AGAP1: variants seen among roughly 807,000 people sequenced by gnomAD.
AGAP1 encodes arf-GAP with GTPase, ANK repeat and PH domain-containing protein 1.
AGAP1 carries 29 observed loss-of-function variants against 105.3 expected under a neutral mutation model. The ratio of observed to expected loss-of-function variants is 0.28; its 90% CI spans 0.21 to 0.38. The LOEUF (loss-of-function observed/expected upper bound fraction) is 0.38. Among genes scored for constraint, AGAP1 ranks in the 10% least tolerant of loss-of-function variants. The pLI is 1.00. For missense variants in AGAP1, 998 were observed against 1,165.1 expected (o/e 0.86, Z 2.09); for synonymous variants, 509 against 485.9 (o/e 1.05, Z -0.63).
At position 235,754,639 on chromosome 2, in the gene AGAP1, T is replaced by C. The variant is rs1239071869; in HGVS notation, c.673+4151T>C. ...TTCGCTTGTGTGGTCCTGTTTACTT[T>C]GCTTTCATGGAGTTTCCAGATGGCT... On this transcript the variant is annotated intron_variant, in intron 6 of 17. Coordinates refer to ENST00000304032, the MANE Select transcript of AGAP1 (RefSeq NM_001037131.3). The surrounding 1 kb of genome is among the most constrained non-coding windows in gnomAD (Gnocchi z 4.6). 1.3e-5 allele frequency among the ~76,000 whole-genome samples: 2 copies of C among 152,212 alleles called. No individual in the cohort carries two copies. Among genetic ancestry groups the C allele is most frequent in the Non-Finnish European group, 2.9e-5 (2 of 68,032 alleles).
intron 6 of AGAP1, among the ~76,000 whole-genome samples, chr2:235,794,169 T>A (rs1344350197): frequency 6.6e-6 from 1 of 152,080 alleles, no homozygotes; most frequent in Admixed American, 6.5e-5. Context: ...TTATACAATG[T>A]ACACACACAC....
intron 1 of AGAP1, among the ~76,000 whole-genome samples, chr2:235,520,596 C>T (rs189985948): frequency 3.3e-5 from 5 of 152,166 alleles, no homozygotes; most frequent in South Asian, 2.1e-4. Flanking sequence ...CTTTTGCCCA[C>T]GTTAGCAGTC....
At position 236,095,549 on chromosome 2, in the gene AGAP1, G is replaced by T. The variant is rs770059889; in HGVS notation, c.2115-24643G>T. 6.6e-6 allele frequency among the ~76,000 whole-genome samples: 1 copy of T among 152,142 alleles called. No homozygotes were observed. Among genetic ancestry groups the T allele is most frequent in the Non-Finnish European group, 1.5e-5 (1 of 67,980 alleles). On this transcript the variant is annotated intron_variant, in intron 16 of 17. Coordinates refer to ENST00000304032, the MANE Select transcript of AGAP1 (RefSeq NM_001037131.3). The surrounding 1 kb of genome is among the most constrained non-coding windows in gnomAD (Gnocchi z 4.1). ...AAAAGATTAAAAAATAGGAAAAAAA[G>T]ACTCTCTAAAAAAATACAAGAAAAA... is the stretch of plus-strand genomic sequence containing the variant.
chr2:235,913,437 T>G (rs148834036), intron 11 of AGAP1, among the ~76,000 whole-genome samples: 231 of 152,318 alleles, frequency 1.5e-3, no homozygotes, highest in African/African-American at 5.4e-3. Context: ...GTTTTTCTCT[T>G]TGTTGAATTT....
chr2:235,968,800 G>C lies in AGAP1; in HGVS notation c.1645+177G>C, dbSNP rs2054518444. 2.6e-5 allele frequency among the ~76,000 whole-genome samples: 4 copies of C among 152,252 alleles called. No homozygotes were observed. The South Asian group carries it at 8.3e-4, about 32-fold the overall frequency. Reference sequence around the variant, plus strand: ...GGGCCCTTGGGACCTTTTCATCACTGTCTGATTCTCATATTACGCAACCAA... The same window carrying C: ...GGGCCCTTGGGACCTTTTCATCACTCTCTGATTCTCATATTACGCAACCAA... On this transcript the variant is annotated intron_variant, in intron 13 of 17. Coordinates refer to ENST00000304032, the MANE Select transcript of AGAP1 (RefSeq NM_001037131.3).
Position 236,014,211 on chromosome 2 carries a change from G to A in AGAP1, c.1646-22350G>A, listed in dbSNP as rs1057038265. ...CCGTAACTCCCCCGAGTGTCAAAGA[G>A]AATAGACTCCTCCCTCCAGGACAGC... On this transcript the variant is annotated intron_variant, in intron 13 of 17. Coordinates refer to ENST00000304032, the MANE Select transcript of AGAP1 (RefSeq NM_001037131.3). This position sits in a 1 kb window ranked among gnomAD's most constrained non-coding sequence, Gnocchi z 6.3. Among the ~76,000 whole-genome samples the A allele has an allele frequency of 1.3e-5, 2 of 152,200 alleles. No homozygotes were observed. Among genetic ancestry groups the A allele is most frequent in the Non-Finnish European group, 2.9e-5 (2 of 68,034 alleles).
At chr2:235,670,587 C>T (rs1208500354) in intron 1 of AGAP1, 4 of 541,638 alleles carry the variant, frequency 7.4e-6, no homozygotes, top group African/African-American at 6.1e-5. Flanking sequence ...GGGCCTGAGG[C>T]GCCGCAAGGC....
chr2:235,531,608 CTTT>C (rs529337320), intron 1 of AGAP1, among the ~76,000 whole-genome samples: 4 of 135,276 alleles, frequency 3.0e-5, no homozygotes, highest in African/African-American at 2.7e-5. Flanking sequence ...GTAGCTTTGC[CTTT>C]TTTTTTTTTT....
chr2:235,984,397 G>A (rs1159844253), intron 13 of AGAP1, among the ~76,000 whole-genome samples: 1 of 151,594 alleles, frequency 6.6e-6, no homozygotes, highest in Non-Finnish European at 1.5e-5. Flanking sequence ...GTTTTTCCTA[G>A]GGTATAAACC....
At chr2:235,532,444 G>A (rs1489289181) in intron 1 of AGAP1, among the ~76,000 whole-genome samples, 2 of 152,262 alleles carry the variant, frequency 1.3e-5, no homozygotes, top group South Asian at 2.1e-4. Context: ...GGGTTTAAGC[G>A]ATCCTCCTGC....
chr2:235,573,085 CTTCT>C (rs754676106), intron 1 of AGAP1, among the ~76,000 whole-genome samples: 1,627 of 110,432 alleles, frequency 0.015, 245 homozygotes, highest in African/African-American at 0.068. Flanking sequence ...TTTCTTCTTT[CTTCT>C]TTCTTCTTCT....
At position 235,935,646 on chromosome 2, in the gene AGAP1, T is replaced by A. The variant is rs572749458; in HGVS notation, c.1483+4723T>A. On this transcript the variant is annotated intron_variant, in intron 12 of 17. Coordinates refer to ENST00000304032, the MANE Select transcript of AGAP1 (RefSeq NM_001037131.3). ...ATCCTGGGTGAAAGAAATTGGTGTT[T>A]GCAGTCAATGAAGAGGCAGCTTTGC... is the stretch of plus-strand genomic sequence containing the variant. Among the ~76,000 whole-genome samples the A allele has an allele frequency of 3.9e-5, 6 of 152,338 alleles. No homozygotes were observed. In the South Asian group the frequency reaches 1.2e-3, roughly 32 times the overall value.
In AGAP1 at chr2:236,095,251, G is replaced by A. The variant is rs2059163715; in HGVS notation, c.2115-24941G>A. On this transcript the variant is annotated intron_variant, in intron 16 of 17. Coordinates refer to ENST00000304032, the MANE Select transcript of AGAP1 (RefSeq NM_001037131.3). This position sits in a 1 kb window ranked among gnomAD's most constrained non-coding sequence, Gnocchi z 4.1. ...GTCTCTACAAAAAAGTTAAAAATTA[G>A]CCAGGCGTGGTTGCATGCACCTGTG... Among the ~76,000 whole-genome samples the A allele has an allele frequency of 6.6e-6, 1 of 152,000 alleles. No individual in the cohort carries two copies. The highest frequency in any genetic ancestry group is 2.1e-4 in the South Asian group (1 of 4,820).
intron 11 of AGAP1, among the ~76,000 whole-genome samples, chr2:235,922,337 A>G (rs1473112120): frequency 1.3e-5 from 2 of 152,214 alleles, no homozygotes; most frequent in African/African-American, 4.8e-5. Flanking sequence ...TTTACACTCA[A>G]GTGCTCATAG....
In AGAP1 at chr2:235,989,149, C is replaced by T. The variant is rs542128746; in HGVS notation, c.1645+20526C>T. Among the ~76,000 whole-genome samples, 30 of 152,284 alleles carry T rather than the reference C, an allele frequency of 2.0e-4. 1 individual carries two copies. In the Middle Eastern group the frequency reaches 0.014, roughly 69 times the overall value. On this transcript the variant is annotated intron_variant, in intron 13 of 17. Transcript: ENST00000304032. The surrounding 1 kb of genome is among the most constrained non-coding windows in gnomAD (Gnocchi z 4.4). ...GTTGTTGTTATTTAAAACTGCAAGA[C>T]GTAGGCAATACCAGGTCTTAACAGC...
intron 9 of AGAP1, among the ~76,000 whole-genome samples, chr2:235,861,112 A>G (rs907585118): frequency 3.3e-5 from 5 of 152,254 alleles, no homozygotes; most frequent in South Asian, 2.1e-4. Context: ...TGAGTCTTCC[A>G]TTGAAACAAG....
In AGAP1 at chr2:236,040,887, G is replaced by C. The variant is rs749588738; in HGVS notation, c.1891+46G>C. 3 of 1,603,038 alleles carry C rather than the reference G, an allele frequency of 1.9e-6. No individual in the cohort carries two copies. Among genetic ancestry groups the C allele is most frequent in the African/African-American group, 2.7e-5 (2 of 74,660 alleles). ...CAGGGGCTGGCGCTGTGTAGCTGGA[G>C]ACCACATGGTCCCACTAGGCCCGGG... On this transcript the variant is annotated intron_variant, in intron 15 of 17. Coordinates refer to ENST00000304032, the MANE Select transcript of AGAP1 (RefSeq NM_001037131.3). The surrounding 1 kb of genome is among the most constrained non-coding windows in gnomAD (Gnocchi z 5.6).
At chr2:235,513,543 A>G (rs924962718) in intron 1 of AGAP1, among the ~76,000 whole-genome samples, 6 of 151,568 alleles carry the variant, frequency 4.0e-5, no homozygotes, top group Non-Finnish European at 5.9e-5. Flanking sequence ...AAAAAAAAAA[A>G]AAAAGAAATG....
intron 1 of AGAP1, among the ~76,000 whole-genome samples, chr2:235,592,045 C>G (rs1945359255): frequency 6.6e-6 from 1 of 152,244 alleles, no homozygotes; most frequent in African/African-American, 2.4e-5. Flanking sequence ...CAGCCTCAGG[C>G]ATTCCTTTAT....
Sources: gnomAD v4.1 joint callset for allele counts (sites outside exome capture counted in the v4.1 genomes callset) on GRCh38, gnomAD v4.1.1 for gene constraint, Gnocchi (gnomAD v3.1) non-coding constraint, MANE v1.5 for transcripts, NCBI Gene and HGNC (gene_info 2026-07-23, HGNC 2026-07-21) for gene names.